The following RBBP8 variants were observed in gnomAD, a reference collection of about 807,000 sequenced individuals.
RBBP8 encodes the protein DNA endonuclease RBBP8.
Under a neutral mutation model 108.3 loss-of-function variants are expected in RBBP8, and 88 were observed. The observed-to-expected ratio is 0.81, with a 90% CI of 0.68 to 0.97. RBBP8 has a LOEUF of 0.97. RBBP8 is among the 50% of genes least tolerant of loss of function. The pLI is 0.00. For synonymous variants in RBBP8, 332 were observed against 348.2 expected (o/e 0.95, Z 0.52); for missense variants, 1,023 against 1,049.0 (o/e 0.98, Z 0.34).
At chr18:22,967,677 C>T (rs1362755213) in intron 4 of RBBP8, among the ~76,000 whole-genome samples, 39 of 140,788 alleles carry the variant, frequency 2.8e-4, no homozygotes, top group Admixed American at 1.3e-3. Flanking sequence ...GACGGAGTCT[C>T]GCTTTGTCAC....
In RBBP8 at chr18:23,017,387, C is replaced by T. The variant is rs374805279; in HGVS notation, c.2454+463C>T. On this transcript the variant is annotated intron_variant, in intron 17 of 18. Coordinates refer to ENST00000327155, the MANE Select transcript of RBBP8 (RefSeq NM_002894.3). ...AAAAAAAAAATGCCAGGTGCAGTGG[C>T]TCACACCTGTAATCCCAGCACTTTG... Among the ~76,000 whole-genome samples, 94 of 150,428 alleles carry T rather than the reference C, an allele frequency of 6.2e-4. 1 individual carries two copies. In the East Asian group the frequency reaches 0.018, roughly 29 times the overall value.
At chr18:22,949,793 T>G in intron 4 of RBBP8, 80 bp downstream of exon 4, 1 of 1,108,556 alleles carries the variant, frequency 9.0e-7, no homozygotes, top group Non-Finnish European at 1.4e-6. Flanking sequence ...TTGTAATTAG[T>G]TTTGGGATTG....
chr18:22,993,059 A>G lies in RBBP8; in HGVS notation c.1232A>G (p.Asn411Ser). 6.2e-7 allele frequency: 1 copy of G among 1,611,548 alleles called. No individual in the cohort carries two copies. ...SSNKQILINK[N>S]ISESLGEQNR... Reference sequence around the variant, plus strand: ...AATAAACAGATACTTATAAATAAAAATATAAGTGAATCCCTAGGTGAACAG... The same window carrying G: ...AATAAACAGATACTTATAAATAAAAGTATAAGTGAATCCCTAGGTGAACAG... The change falls in exon 11 of 19, where the codon AAT becomes AGT. Residue 411 changes from asparagine to serine, a missense_variant. By Grantham distance (46) the Asn-to-Ser change is conservative (BLOSUM62 1). Transcript: ENST00000327155.
intron 8 of RBBP8, among the ~76,000 whole-genome samples, chr18:22,988,881 A>G (rs933728822): frequency 6.6e-6 from 1 of 152,254 alleles, no homozygotes; most frequent in Non-Finnish European, 1.5e-5. Context: ...ATAGTTTGAT[A>G]TTCATGCTGT....
intron 6 of RBBP8, among the ~76,000 whole-genome samples, chr18:22,979,292 TTTTATGTTTATTTTATTTTATG>T (rs1315800770): frequency 2.0e-5 from 3 of 152,022 alleles, no homozygotes; most frequent in African/African-American, 2.4e-5. Flanking sequence ...TTTTAAATAA[TTTTATGTTTATTTTATTTTATG>T]TTTATGTTTA....
intron 14 of RBBP8, among the ~76,000 whole-genome samples, chr18:23,000,996 A>G (rs543999987): frequency 6.6e-6 from 1 of 152,228 alleles, no homozygotes; most frequent in African/African-American, 2.4e-5. Flanking sequence ...TCTTAGAATC[A>G]TGTTAGCATG....
chr18:23,026,277 T>G lies in RBBP8; in HGVS notation c.*37T>G. 1 of 1,541,166 alleles carries G rather than the reference T, an allele frequency of 6.5e-7. No individual in the cohort carries two copies. The highest frequency in any genetic ancestry group is 9.0e-7 in the Non-Finnish European group (1 of 1,115,342). ...GAAACAGAAGGATGAAGGACAGTTT[T>G]TTCCTTCTTAGTTATTTATAGTTAA... is the stretch of plus-strand genomic sequence containing the variant. On this transcript the variant is annotated 3_prime_UTR_variant, in exon 19 of 19. Coordinates refer to ENST00000327155, the MANE Select transcript of RBBP8 (RefSeq NM_002894.3).
chr18:22,944,951 TTAAC>T (rs1911425889), intron 2 of RBBP8, among the ~76,000 whole-genome samples: 1 of 152,220 alleles, frequency 6.6e-6, no homozygotes, highest in Non-Finnish European at 1.5e-5. Flanking sequence ...TGTATCAAGT[TTAAC>T]AAATAAAGAA....
At chr18:22,958,907 C>G (rs1303794061) in intron 4 of RBBP8, among the ~76,000 whole-genome samples, 1 of 152,192 alleles carries the variant, frequency 6.6e-6, no homozygotes, top group Non-Finnish European at 1.5e-5. Flanking sequence ...AGGTCATTCA[C>G]TTTCTAGACT....
At chr18:23,007,871 G>A (rs569232057) in intron 16 of RBBP8, among the ~76,000 whole-genome samples, 1 of 151,018 alleles carries the variant, frequency 6.6e-6, no homozygotes, top group East Asian at 2.0e-4. Context: ...GGAGTGCAAT[G>A]GCATGATCTT....
At chr18:22,916,745 G>T (rs1909376839) in intron 2 of RBBP8, among the ~76,000 whole-genome samples, 1 of 152,088 alleles carries the variant, frequency 6.6e-6, no homozygotes, top group African/African-American at 2.4e-5. Context: ...GTTTCAGACT[G>T]ATGAAAGCCT....
intron 4 of RBBP8, among the ~76,000 whole-genome samples, chr18:22,967,861 G>A (rs6507408): frequency 0.99 from 150,343 of 152,038 alleles, 74,357 homozygotes; most frequent in East Asian, 1. Flanking sequence ...GATAGCCAGG[G>A]TTGTCTCGAT....
At chr18:22,936,060 C>T (rs1486767347) in intron 1 of RBBP8, among the ~76,000 whole-genome samples, 1 of 151,992 alleles carries the variant, frequency 6.6e-6, no homozygotes, top group Non-Finnish European at 1.5e-5. Context: ...GAATATTTTT[C>T]AGTTTTGGGC....
At chr18:23,011,225 G>T (rs1473431599) in intron 16 of RBBP8, among the ~76,000 whole-genome samples, 1 of 152,140 alleles carries the variant, frequency 6.6e-6, no homozygotes, top group Non-Finnish European at 1.5e-5. Flanking sequence ...TATACTTTCT[G>T]TTTCATGGTG....
chr18:22,929,493 TGTGTGTGTGTGTGTG>T (rs1260714593), upstream of RBBP8: 4,952 of 22,264 alleles, frequency 0.22, 165 homozygotes, highest in South Asian at 0.3. Context: ...TGTGTGTGTG[TGTGTGTGTGTGTGTG>T]TGAAGAGACA....
intron 2 of RBBP8, among the ~76,000 whole-genome samples, chr18:22,944,188 A>AAC (rs1252819294): frequency 2.0e-5 from 3 of 152,202 alleles, no homozygotes; most frequent in Non-Finnish European, 2.9e-5. Context: ...CTAAAATTTA[A>AAC]ACACACACAC....
At chr18:22,980,432 A>G (rs527907854) in intron 6 of RBBP8, among the ~76,000 whole-genome samples, 1 of 152,282 alleles carries the variant, frequency 6.6e-6, no homozygotes, top group Admixed American at 6.5e-5. Flanking sequence ...ATAATTAGGT[A>G]TGTAGGTATC....
At chr18:23,016,774 A>G (rs962840647) in intron 16 of RBBP8, 54 bp from the exon 17 acceptor site, 89 of 1,261,680 alleles carry the variant, frequency 7.1e-5, no homozygotes, top group Non-Finnish European at 1.0e-4. Flanking sequence ...TGTTTTGGGG[A>G]TTATTTCTCC....
chr18:22,942,751 A>C (rs1422832680), intron 2 of RBBP8, among the ~76,000 whole-genome samples: 6 of 152,096 alleles, frequency 3.9e-5, no homozygotes, highest in Non-Finnish European at 1.5e-5. Flanking sequence ...TTTGGGTACA[A>C]AATTTTATTG....
Sources: allele counts gnomAD v4.1 joint callset (sites outside exome capture counted in the v4.1 genomes callset), GRCh38; gene constraint gnomAD v4.1.1; transcripts MANE v1.5; gene names NCBI Gene and HGNC (gene_info 2026-07-23, HGNC 2026-07-21).